RETREG1: variants seen among roughly 807,000 people sequenced by gnomAD.
RETREG1 encodes reticulophagy regulator 1.
In RETREG1, 44 loss-of-function variants were observed where a neutral mutation model predicts 54.8. The ratio of observed to expected loss-of-function variants is 0.80; its 90% CI spans 0.63 to 1.03. The LOEUF (loss-of-function observed/expected upper bound fraction) is 1.03. RETREG1 is among the 50% of genes least tolerant of loss of function. RETREG1 has a pLI of 0.00. For missense variants in RETREG1, 554 were observed against 605.1 expected (o/e 0.92, Z 0.89); for synonymous variants, 217 against 238.5 (o/e 0.91, Z 0.83).
rs977346278 is a variant in RETREG1 at position 16,616,862 on chromosome 5, C to G, written c.110G>C (p.Arg37Pro). The change falls in exon 1 of 9, where the codon CGG becomes CCG. Residue 37 changes from arginine (R) to proline (P), a missense_variant. Coordinates refer to ENST00000306320, the MANE Select transcript of RETREG1 (RefSeq NM_001034850.3). ...CTGCGCTTCCTCCTCCTGCTGCTGC[C>G]GCTCTGCGGGGGATGCCTGGGGCGG... ...PPPPQASPAERQQQEEEAQEA... is the reference protein window; with the variant it reads ...PPPPQASPAEPQQQEEEAQEA... The G allele has an allele frequency of 1.0e-5, 15 of 1,506,656 alleles. No individual in the cohort carries two copies. In the Admixed American group the frequency reaches 2.3e-4, roughly 23 times the overall value. 93.3% of individuals were successfully genotyped at this position (1,506,656 alleles called of 1,614,324 possible).
intron 3 of RETREG1, among the ~76,000 whole-genome samples, chr5:16,498,569 C>T (rs1438994909): frequency 1.3e-5 from 2 of 152,062 alleles, no homozygotes; most frequent in Non-Finnish European, 2.9e-5. Flanking sequence ...AAAGATTAGC[C>T]GGCATGGTGG....
chr5:16,616,086 C>G (rs1743497384), intron 1 of RETREG1: 2 of 153,112 alleles, frequency 1.3e-5, no homozygotes, highest in South Asian at 4.1e-4. Context: ...GGGGTGGGTG[C>G]TGGGCATACT....
intron 3 of RETREG1, among the ~76,000 whole-genome samples, chr5:16,549,630 C>T (rs1741477654): frequency 6.6e-6 from 1 of 152,130 alleles, no homozygotes; most frequent in Non-Finnish European, 1.5e-5. Context: ...CCATTAAAAT[C>T]CCTTGGAAGC....
intron 3 of RETREG1, among the ~76,000 whole-genome samples, chr5:16,515,733 A>G (rs1200156556): frequency 1.3e-5 from 2 of 152,146 alleles, no homozygotes; most frequent in Non-Finnish European, 2.9e-5. Context: ...CCTCTTCACT[A>G]TTACTCAACA....
intron 3 of RETREG1, among the ~76,000 whole-genome samples, chr5:16,528,485 G>C (rs942025275): frequency 2.0e-5 from 3 of 152,106 alleles, no homozygotes; most frequent in South Asian, 4.1e-4. Flanking sequence ...CCTGGGACAG[G>C]AGTCAGCTCT....
At chr5:16,552,598 G>A (rs1346428475) in intron 3 of RETREG1, among the ~76,000 whole-genome samples, 2 of 152,122 alleles carry the variant, frequency 1.3e-5, no homozygotes, top group Admixed American at 6.6e-5. Flanking sequence ...ATTCATTTGT[G>A]AATTTCCTGC....
In RETREG1 at chr5:16,597,644, A is replaced by G. The variant is rs1302953968; in HGVS notation, c.320+19008T>C. On this transcript the variant is annotated intron_variant, in intron 1 of 8. Transcript: ENST00000306320. This position sits in a 1 kb window ranked among gnomAD's most constrained non-coding sequence, Gnocchi z 4.3. The stretch of plus-strand genomic sequence containing the variant: ...CCCTTGGTCCTCCCCCACCCACAAG[A>G]GTGACCCCACCAGTGGCTTCCTATA... Among the ~76,000 whole-genome samples, 1 of 152,032 alleles carries G rather than the reference A, an allele frequency of 6.6e-6. No homozygotes were observed. Among genetic ancestry groups the G allele is most frequent in the Non-Finnish European group, 1.5e-5 (1 of 67,998 alleles).
intron 3 of RETREG1, among the ~76,000 whole-genome samples, chr5:16,541,848 T>C (rs1008355108): frequency 2.7e-4 from 40 of 150,842 alleles, no homozygotes; most frequent in Non-Finnish European, 5.2e-4. Context: ...ACATCCAGGT[T>C]TAAAAATAAA....
intron 1 of RETREG1, among the ~76,000 whole-genome samples, chr5:16,612,529 T>G (rs972262764): frequency 6.6e-6 from 1 of 152,214 alleles, no homozygotes; most frequent in South Asian, 2.1e-4. Flanking sequence ...TTTAAATAAA[T>G]AAAATTTTAA....
chr5:16,613,483 T>A (rs941302963), intron 1 of RETREG1, among the ~76,000 whole-genome samples: 3 of 152,212 alleles, frequency 2.0e-5, no homozygotes, highest in Non-Finnish European at 4.4e-5. Context: ...CCACACTTAA[T>A]TCATGCAACT....
At chr5:16,608,690 C>G (rs566253558) in intron 1 of RETREG1, among the ~76,000 whole-genome samples, 12 of 152,218 alleles carry the variant, frequency 7.9e-5, no homozygotes, top group African/African-American at 2.9e-4. Flanking sequence ...CCCAGGTATA[C>G]CCCCTTGACC....
intron 6 of RETREG1, among the ~76,000 whole-genome samples, chr5:16,478,612 C>A (rs935172540): frequency 6.6e-6 from 1 of 152,018 alleles, no homozygotes; most frequent in African/African-American, 2.4e-5. Context: ...AGTGTTGAAG[C>A]CTTTTCTTTC....
intron 1 of RETREG1, among the ~76,000 whole-genome samples, chr5:16,601,901 C>G (rs1394842026): frequency 6.6e-6 from 1 of 152,166 alleles, no homozygotes. Context: ...CAGGCATTGG[C>G]AGGCCTTTCG....
intron 3 of RETREG1, among the ~76,000 whole-genome samples, chr5:16,553,182 T>C (rs1408202808): frequency 6.8e-6 from 1 of 147,118 alleles, no homozygotes; most frequent in East Asian, 1.9e-4. Flanking sequence ...GTGCACACTA[T>C]GGAAAAAAAA....
At chr5:16,601,381 G>T (rs1044128396) in intron 1 of RETREG1, among the ~76,000 whole-genome samples, 102 of 149,730 alleles carry the variant, frequency 6.8e-4, no homozygotes, top group Middle Eastern at 3.4e-3. Context: ...AAACAAAGAG[G>T]AGGAATTTTC....
chr5:16,517,559 CCAGA>C (rs1314815793), intron 3 of RETREG1, among the ~76,000 whole-genome samples: 4 of 152,258 alleles, frequency 2.6e-5, no homozygotes, highest in African/African-American at 9.6e-5. Context: ...CTCTCCCTCA[CCAGA>C]CAGACTATCA....
At position 16,593,085 on chromosome 5, in the gene RETREG1, T is replaced by C. The variant is rs1382718284; in HGVS notation, c.321-20983A>G. Among the ~76,000 whole-genome samples, 2 of 152,040 alleles carry C rather than the reference T, an allele frequency of 1.3e-5. No individual in the cohort carries two copies. Among genetic ancestry groups the C allele is most frequent in the Non-Finnish European group, 2.9e-5 (2 of 68,020 alleles). On this transcript the variant is annotated intron_variant, in intron 1 of 8. Coordinates refer to ENST00000306320, the MANE Select transcript of RETREG1 (RefSeq NM_001034850.3). This position sits in a 1 kb window ranked among gnomAD's most constrained non-coding sequence, Gnocchi z 4.9. Reference sequence around the variant, plus strand: ...AATGTGGATTCTTTGACAAAAGGCGTTTGCTTCCTAAAGCTCGGCAAAGGC... The same window carrying C: ...AATGTGGATTCTTTGACAAAAGGCGCTTGCTTCCTAAAGCTCGGCAAAGGC...
intron 2 of RETREG1, among the ~76,000 whole-genome samples, chr5:16,566,463 A>G (rs1274364687): frequency 2.6e-5 from 4 of 152,174 alleles, no homozygotes; most frequent in African/African-American, 9.7e-5. Flanking sequence ...ACATCTTGAT[A>G]TTATACTCCC....
At chr5:16,588,791 T>C (rs1306691082) in intron 1 of RETREG1, among the ~76,000 whole-genome samples, 1 of 152,150 alleles carries the variant, frequency 6.6e-6, no homozygotes, top group African/African-American at 2.4e-5. Context: ...CCTACTTAGG[T>C]TAGGACAATA....
Sources: gnomAD v4.1 joint callset for allele counts (sites outside exome capture counted in the v4.1 genomes callset) on GRCh38, gnomAD v4.1.1 for gene constraint, Gnocchi (gnomAD v3.1) non-coding constraint, MANE v1.5 for transcripts, NCBI Gene and HGNC (gene_info 2026-07-23, HGNC 2026-07-21) for gene names.